Variants in DCAF5 observed in about 807,000 individuals in gnomAD.
DCAF5 encodes the protein DDB1 and CUL4 associated factor 5.
A neutral mutation model predicts 80.7 loss-of-function variants in DCAF5; 9 were observed. The observed-to-expected ratio is 0.11, with a 90% CI of 0.07 to 0.19. The LOEUF is 0.19. Ranked by LOEUF, DCAF5 falls within the 10% of genes least tolerant of loss-of-function variation. The pLI, the probability that DCAF5 is intolerant of heterozygous loss-of-function variation, is 1.00. For missense variants in DCAF5, 842 were observed against 1,205.7 expected (o/e 0.70, Z 4.47); for synonymous variants, 433 against 461.9 (o/e 0.94, Z 0.80).
At chr14:69,068,698 C>CAA (rs201955188) in intron 7 of DCAF5, among the ~76,000 whole-genome samples, 8,649 of 67,820 alleles carry the variant, frequency 0.13, 1,029 homozygotes, top group African/African-American at 0.32. Flanking sequence ...AACTCCATCT[C>CAA]AAAAAAAAAA....
intron 6 of DCAF5, chr14:69,089,146 T>C (rs990472297): frequency 6.6e-6 from 1 of 152,650 alleles, no homozygotes; most frequent in Admixed American, 6.5e-5. Context: ...TGATTTACAG[T>C]TAGAGAAGAC....
rs569958680 is a variant in DCAF5, at chr14:69,061,850, T to C, written c.1074+534A>G. 4.6e-5 allele frequency among the ~76,000 whole-genome samples: 7 copies of C among 152,274 alleles called. No individual in the cohort carries two copies. The East Asian group carries it at 9.7e-4, about 21-fold the overall frequency. On this transcript the variant is annotated intron_variant, in intron 8 of 8. Transcript: ENST00000341516. ...CAACCTCTGTTTCAAAGCCTAGTGA[T>C]TAGTTTAAAAAAATGGTTCCAAGCC...
intron 7 of DCAF5, among the ~76,000 whole-genome samples, chr14:69,067,669 G>A (rs2038512509): frequency 6.7e-6 from 1 of 149,958 alleles, no homozygotes; most frequent in African/African-American, 2.5e-5. Flanking sequence ...TTTTTAAGAT[G>A]GAGTCTCACC....
intron 6 of DCAF5, among the ~76,000 whole-genome samples, chr14:69,085,764 G>GC (rs1428467581): frequency 6.6e-6 from 1 of 151,942 alleles, no homozygotes; most frequent in Non-Finnish European, 1.5e-5. Flanking sequence ...CAGAAAGTCT[G>GC]CCCCCTTCCT....
chr14:69,054,862 A>G lies in DCAF5; in HGVS notation c.1824T>C (p.Thr608=), dbSNP rs2037894441. 6.2e-7 allele frequency: 1 copy of G among 1,613,380 alleles called. No homozygotes were observed. The highest frequency in any genetic ancestry group is 1.1e-5 in the South Asian group (1 of 91,042). ...KPSAPIKPTN[T]YIGEDNYDYP... is the part of the protein sequence containing the mutation. ...AATCATAGTTGTCTTCTCCAATGTAAGTGTTGGTGGGCTTGATTGGGGCAC... is the reference window on the plus strand; with the variant it reads ...AATCATAGTTGTCTTCTCCAATGTAGGTGTTGGTGGGCTTGATTGGGGCAC... The change falls in exon 9 of 9, where the codon ACT becomes ACC. Residue 608 remains threonine, a synonymous_variant. Transcript: ENST00000341516.
At chr14:69,115,421 T>C (rs1416499582) in intron 5 of DCAF5, among the ~76,000 whole-genome samples, 1 of 152,242 alleles carries the variant, frequency 6.6e-6, no homozygotes, top group Non-Finnish European at 1.5e-5. Context: ...GATAATCTTC[T>C]GTACTTAACT....
chr14:69,059,584 G>C (rs1476316802), intron 8 of DCAF5, among the ~76,000 whole-genome samples: 1 of 152,230 alleles, frequency 6.6e-6, no homozygotes, highest in East Asian at 1.9e-4. Flanking sequence ...CGGCCTTTCA[G>C]GATAACGTAA....
chr14:69,084,471 C>A, intron 6 of DCAF5: 2 of 802,564 alleles, frequency 2.5e-6, no homozygotes, highest in Non-Finnish European at 4.4e-6. Context: ...CTCTTTTCTG[C>A]CACCCAAACT....
chr14:69,120,806 T>C (rs960603957), intron 2 of DCAF5, among the ~76,000 whole-genome samples: 1 of 152,240 alleles, frequency 6.6e-6, no homozygotes, highest in Non-Finnish European at 1.5e-5. Context: ...GATTCTACTC[T>C]GTCCTTGAGA....
intron 1 of DCAF5, among the ~76,000 whole-genome samples, chr14:69,150,044 A>T (rs986893918): frequency 6.6e-6 from 1 of 152,252 alleles, no homozygotes; most frequent in African/African-American, 2.4e-5. Context: ...ACTTTCTGTT[A>T]ACACAGCTGT....
intron 1 of DCAF5, among the ~76,000 whole-genome samples, chr14:69,125,175 C>T (rs2040838279): frequency 1.3e-5 from 2 of 151,998 alleles, no homozygotes; most frequent in African/African-American, 4.8e-5. Context: ...CCTTATTGAA[C>T]AAAAAATGAA....
At chr14:69,116,942 A>G (rs1370903749) in intron 4 of DCAF5, among the ~76,000 whole-genome samples, 1 of 152,192 alleles carries the variant, frequency 6.6e-6, no homozygotes, top group Non-Finnish European at 1.5e-5. Context: ...TAAAAAAAAC[A>G]ATGACAAAAT....
chr14:69,118,265 C>T lies in DCAF5; in HGVS notation c.409G>A (p.Asp137Asn), dbSNP rs781622070. The T allele has an allele frequency of 6.2e-7, 1 of 1,613,682 alleles. No individual in the cohort carries two copies. The highest frequency in any genetic ancestry group is 1.7e-5 in the Admixed American group (1 of 59,962). The change falls in exon 4 of 9, where the codon GAC becomes AAC. Residue 137 changes from aspartate to asparagine, a missense_variant. By Grantham distance (23) the Asp-to-Asn change is conservative. Coordinates refer to ENST00000341516, the MANE Select transcript of DCAF5 (RefSeq NM_003861.3). This position sits in a 1 kb window ranked among gnomAD's most constrained non-coding sequence, Gnocchi z 4.0. The stretch of plus-strand genomic sequence containing the variant: ...ACTGCATCTTCATGAGCAAACACGT[C>T]CAATGTCTCACTGCTGGGAGATAAG... ...LHDVESSETL[D>N]VFAHEDAVYG...
chr14:69,114,985 T>C (rs2040497019), intron 5 of DCAF5, among the ~76,000 whole-genome samples: 1 of 152,210 alleles, frequency 6.6e-6, no homozygotes, highest in South Asian at 2.1e-4. Flanking sequence ...AGTTGCCAGC[T>C]ATTCATTGCA....
chr14:69,150,815 C>G (rs773912797), intron 1 of DCAF5, among the ~76,000 whole-genome samples: 3 of 152,016 alleles, frequency 2.0e-5, no homozygotes, highest in Admixed American at 6.6e-5. Context: ...TAGCTTGAGC[C>G]TGGGAGATCA....
At chr14:69,087,667 G>A (rs1026587055) in intron 6 of DCAF5, among the ~76,000 whole-genome samples, 3 of 152,148 alleles carry the variant, frequency 2.0e-5, no homozygotes, top group African/African-American at 7.2e-5. Flanking sequence ...GGCTTTGAGT[G>A]CAAATCTCAA....
intron 7 of DCAF5, among the ~76,000 whole-genome samples, chr14:69,067,304 T>C (rs2038482324): frequency 6.6e-6 from 1 of 151,650 alleles, no homozygotes; most frequent in South Asian, 2.1e-4. Flanking sequence ...TAAATGTTTC[T>C]TTTTTTCCAT....
chr14:69,143,836 G>A (rs1248520652), intron 1 of DCAF5: 4 of 152,154 alleles, frequency 2.6e-5, no homozygotes, highest in African/African-American at 9.7e-5. Flanking sequence ...CTAGAATTAC[G>A]TTTCACATCA....
intron 6 of DCAF5, chr14:69,085,276 A>G: frequency 1.4e-6 from 1 of 715,764 alleles, no homozygotes; most frequent in Non-Finnish European, 2.6e-6. Flanking sequence ...CAAGCAGAAA[A>G]AGCGAGTAGG....
Sources: allele counts gnomAD v4.1 joint callset (sites outside exome capture counted in the v4.1 genomes callset), GRCh38; gene constraint gnomAD v4.1.1; non-coding constraint Gnocchi (gnomAD v3.1); transcripts MANE v1.5; gene names NCBI Gene and HGNC (gene_info 2026-07-23, HGNC 2026-07-21).